NOL4: variants seen among roughly 807,000 people sequenced by gnomAD.
The protein encoded by NOL4 is nucleolar protein 4.
In NOL4, 17 loss-of-function variants were observed where a neutral mutation model predicts 75.9. That is an observed-to-expected ratio of 0.22 (90% CI 0.15 to 0.34). NOL4 has a LOEUF of 0.34. Ranked by LOEUF, NOL4 falls within the 10% of genes least tolerant of loss-of-function variation. The pLI, the probability that NOL4 is intolerant of heterozygous loss-of-function variation, is 1.00. For synonymous variants in NOL4, 292 were observed against 289.9 expected, an observed-to-expected ratio of 1.01 and a Z score of -0.07; for missense variants, 614 against 793.5, an observed-to-expected ratio of 0.77 and a Z score of 2.72.
chr18:33,882,722 C>T (rs1471758535), intron 10 of NOL4, among the ~76,000 whole-genome samples: 12 of 151,766 alleles, frequency 7.9e-5, no homozygotes, highest in South Asian at 2.1e-4. Flanking sequence ...ACCCAAAGGA[C>T]TATAAATCAT....
At chr18:34,149,338 G>C (rs1288625250) in intron 1 of NOL4, among the ~76,000 whole-genome samples, 1 of 151,602 alleles carries the variant, frequency 6.6e-6, no homozygotes, top group Non-Finnish European at 1.5e-5. Flanking sequence ...AGCCTTCAGA[G>C]ATAAGGGTCA....
chr18:34,120,668 C>T (rs1247837355), intron 2 of NOL4, among the ~76,000 whole-genome samples: 2 of 151,996 alleles, frequency 1.3e-5, no homozygotes, highest in Admixed American at 1.3e-4. Flanking sequence ...GCATTCAACA[C>T]AGAGTAAAAG....
rs1339398088 is a variant in NOL4, at chr18:33,852,626, G to A, written c.*216C>T. The A allele has an allele frequency of 8.6e-6, 4 of 464,506 alleles. No homozygotes were observed. Among genetic ancestry groups the A allele is most frequent in the Non-Finnish European group, 1.5e-5 (4 of 261,414 alleles). The allele number at this position is 464,506 out of a possible 1,614,324, so 28.8% of individuals were successfully genotyped here. On this transcript the variant is annotated 3_prime_UTR_variant, in exon 11 of 11. Coordinates refer to ENST00000261592, the MANE Select transcript of NOL4 (RefSeq NM_003787.5). ...TGACACACTAAAACAAAAAGCAATAGGCTGGACATACTAAAGTAGCTCAAG... is the reference window on the plus strand; with the variant it reads ...TGACACACTAAAACAAAAAGCAATAAGCTGGACATACTAAAGTAGCTCAAG...
intron 1 of NOL4, chr18:34,221,301 C>T (rs766185581): frequency 3.3e-5 from 5 of 152,134 alleles, no homozygotes; most frequent in East Asian, 1.9e-4. Flanking sequence ...ATTCAGTTAG[C>T]TCAGTTTTGT....
At chr18:33,862,278 A>G (rs2063183422) in intron 10 of NOL4, among the ~76,000 whole-genome samples, 1 of 152,180 alleles carries the variant, frequency 6.6e-6, no homozygotes, top group Admixed American at 6.5e-5. Flanking sequence ...TTCAAGATGG[A>G]TTAAAGACTT....
intron 9 of NOL4, among the ~76,000 whole-genome samples, chr18:33,916,635 G>A (rs1333228758): frequency 6.6e-6 from 1 of 152,128 alleles, no homozygotes; most frequent in African/African-American, 2.4e-5. Flanking sequence ...TTACTTTAAT[G>A]TAAAATCTGT....
chr18:33,877,439 A>AC, intron 10 of NOL4, among the ~76,000 whole-genome samples: 2 of 141,434 alleles, frequency 1.4e-5, no homozygotes, highest in African/African-American at 5.2e-5. Flanking sequence ...CCTTGCCTTA[A>AC]AAAAAAAAAA....
intron 10 of NOL4, among the ~76,000 whole-genome samples, chr18:33,862,061 C>G (rs2063167332): frequency 1.3e-5 from 2 of 151,974 alleles, no homozygotes; most frequent in East Asian, 3.9e-4. Flanking sequence ...GGTACTGGTA[C>G]CAAAACAGAG....
intron 1 of NOL4, among the ~76,000 whole-genome samples, chr18:34,166,528 G>A (rs116386913): frequency 1.5e-3 from 221 of 152,174 alleles, no homozygotes; most frequent in African/African-American, 4.7e-3. Flanking sequence ...TCTATCATTT[G>A]AACTGGAGCC....
At chr18:33,895,101 G>C (rs1294441644) in intron 9 of NOL4, among the ~76,000 whole-genome samples, 2 of 151,896 alleles carry the variant, frequency 1.3e-5, no homozygotes, top group African/African-American at 4.8e-5. Flanking sequence ...TAAAATTATG[G>C]TACAATATGT....
chr18:34,027,107 A>C (rs571986789), intron 5 of NOL4, among the ~76,000 whole-genome samples: 32 of 152,358 alleles, frequency 2.1e-4, no homozygotes, highest in African/African-American at 7.7e-4. Flanking sequence ...ATTGTCTCTC[A>C]GTGAAGGCAG....
rs959734133 is a variant in NOL4, at chr18:33,851,613, C to G, written c.*1229G>C. 2.0e-5 allele frequency: 3 copies of G among 152,354 alleles called. No homozygotes were observed. Among genetic ancestry groups the G allele is most frequent in the African/African-American group, 4.8e-5 (2 of 41,412 alleles). 9.4% of individuals were successfully genotyped at this position (152,354 alleles called of 1,614,324 possible). ...ATAAGAAGCATGAACTAAAGTACTTCTCCCTAAATATTTAAAAAATAGGCT... is the reference window on the plus strand; with the variant it reads ...ATAAGAAGCATGAACTAAAGTACTTGTCCCTAAATATTTAAAAAATAGGCT... On this transcript the variant is annotated 3_prime_UTR_variant, in exon 11 of 11. Coordinates refer to ENST00000261592, the MANE Select transcript of NOL4 (RefSeq NM_003787.5).
At chr18:33,944,261 T>C (rs922571665) in intron 8 of NOL4, among the ~76,000 whole-genome samples, 2 of 151,918 alleles carry the variant, frequency 1.3e-5, no homozygotes, top group African/African-American at 4.8e-5. Flanking sequence ...TCTAAAGGAA[T>C]TGAAACAAAC....
intron 1 of NOL4, among the ~76,000 whole-genome samples, chr18:34,197,990 A>C (rs2035458004): frequency 6.6e-6 from 1 of 151,950 alleles, no homozygotes; most frequent in Non-Finnish European, 1.5e-5. Flanking sequence ...ATTTAGTGAA[A>C]GACATAAATT....
chr18:34,107,987 A>T (rs1419271211), intron 2 of NOL4, among the ~76,000 whole-genome samples: 1 of 152,196 alleles, frequency 6.6e-6, no homozygotes, highest in Non-Finnish European at 1.5e-5. Context: ...CCCATGCAGC[A>T]CAACTTGGAG....
intron 5 of NOL4, among the ~76,000 whole-genome samples, chr18:34,021,545 A>G (rs2075037653): frequency 6.6e-6 from 1 of 152,190 alleles, no homozygotes; most frequent in African/African-American, 2.4e-5. Flanking sequence ...AACAGTTTTA[A>G]TTTATTGTGG....
intron 8 of NOL4, among the ~76,000 whole-genome samples, chr18:33,946,935 C>A (rs1339136081): frequency 6.6e-6 from 1 of 151,446 alleles, no homozygotes; most frequent in Non-Finnish European, 1.5e-5. Context: ...AATACAGGAG[C>A]CAGGCAGAAA....
intron 5 of NOL4, among the ~76,000 whole-genome samples, chr18:34,063,677 G>A (rs888884923): frequency 6.6e-6 from 1 of 151,922 alleles, no homozygotes; most frequent in African/African-American, 2.4e-5. Context: ...AAGAATTTTT[G>A]TTAGGACCAA....
At chr18:33,896,153 G>A (rs926683672) in intron 9 of NOL4, among the ~76,000 whole-genome samples, 7 of 152,018 alleles carry the variant, frequency 4.6e-5, no homozygotes, top group African/African-American at 1.7e-4. Context: ...AATCAGAGAA[G>A]GCACAAACAA....
Sources: gnomAD v4.1 joint callset for allele counts (sites outside exome capture counted in the v4.1 genomes callset) on GRCh38, gnomAD v4.1.1 for gene constraint, MANE v1.5 for transcripts, NCBI Gene and HGNC (gene_info 2026-07-23, HGNC 2026-07-21) for gene names.